MOCS1: variants seen among roughly 807,000 people sequenced by gnomAD.
MOCS1 encodes the protein molybdenum cofactor synthesis 1, also known as molybdenum cofactor biosynthesis protein 1.
A neutral mutation model predicts 57.6 loss-of-function variants in MOCS1; 39 were observed. The ratio of observed to expected loss-of-function variants is 0.68; its 90% CI spans 0.52 to 0.88. The LOEUF is 0.88. MOCS1 is among the 40% of genes least tolerant of loss of function. MOCS1 has a pLI of 0.00. For missense variants in MOCS1, 795 were observed against 831.1 expected, an observed-to-expected ratio of 0.96 and a Z score of 0.53; for synonymous variants, 334 against 335.7, an observed-to-expected ratio of 1.00 and a Z score of 0.05.
intron 1 of MOCS1, among the ~76,000 whole-genome samples, chr6:39,928,136 G>T (rs1768443062): frequency 6.6e-6 from 1 of 151,672 alleles, no homozygotes. Context: ...GCAGAAGCAG[G>T]ATTCAAATCC....
At chr6:39,912,404 C>T in intron 7 of MOCS1, 30 bp from the exon 8 acceptor site, 1 of 1,491,132 alleles carries the variant, frequency 6.7e-7, no homozygotes, top group Admixed American at 1.7e-5. Flanking sequence ...AGCAAAAGGG[C>T]AGTGGAGGGG....
chr6:39,915,398 TCCTCAGTCATGTACCC>T (rs1767598906), intron 4 of MOCS1, among the ~76,000 whole-genome samples: 1 of 151,888 alleles, frequency 6.6e-6, no homozygotes, highest in South Asian at 2.1e-4. Flanking sequence ...TCCTCCAGAG[TCCTCAGTCATGTACCC>T]CCTCCCAAAT....
intron 5 of MOCS1, 86 bp downstream of exon 5, chr6:39,913,688 C>A: frequency 6.9e-7 from 1 of 1,439,032 alleles, no homozygotes; most frequent in Non-Finnish European, 9.8e-7. Context: ...GAGCTGAGGG[C>A]TCTCAAGTGG....
chr6:39,926,577 T>C (rs920695951), intron 2 of MOCS1, among the ~76,000 whole-genome samples: 3 of 150,472 alleles, frequency 2.0e-5, no homozygotes, highest in African/African-American at 7.4e-5. Context: ...CCTTTGAGAC[T>C]GAAGAGAATA....
intron 8 of MOCS1, among the ~76,000 whole-genome samples, chr6:39,910,215 T>A (rs11754450): frequency 0.087 from 13,216 of 152,288 alleles, 903 homozygotes; most frequent in South Asian, 0.32. Flanking sequence ...TTTAAAAAAC[T>A]AAGTAGATGC....
chr6:39,917,019 T>C (rs1767697381), intron 3 of MOCS1, among the ~76,000 whole-genome samples: 1 of 152,124 alleles, frequency 6.6e-6, no homozygotes, highest in South Asian at 2.1e-4. Context: ...GCCTCATCCT[T>C]CCCTGTCGGC....
At chr6:39,920,227 T>C (rs1462000534) in intron 3 of MOCS1, among the ~76,000 whole-genome samples, 1 of 152,166 alleles carries the variant, frequency 6.6e-6, no homozygotes, top group Non-Finnish European at 1.5e-5. Context: ...AAGACCACAA[T>C]GAAATATAAT....
chr6:39,913,582 G>T, intron 5 of MOCS1, 154 bp from the exon 6 acceptor site: 1 of 952,584 alleles, frequency 1.0e-6, no homozygotes, highest in Non-Finnish European at 1.7e-6. Flanking sequence ...ATTCCTTGGG[G>T]TCACTGATTT....
intron 1 of MOCS1, among the ~76,000 whole-genome samples, chr6:39,931,262 G>A (rs545737525): frequency 1.3e-5 from 2 of 152,272 alleles, no homozygotes; most frequent in South Asian, 2.1e-4. Context: ...TGCCCTCAAG[G>A]TGCCCTCCTC....
At chr6:39,918,527 C>T (rs957940506) in intron 3 of MOCS1, among the ~76,000 whole-genome samples, 13 of 152,252 alleles carry the variant, frequency 8.5e-5, no homozygotes, top group South Asian at 4.1e-4. Context: ...ATGTTCATCA[C>T]GGAGTAATGC....
chr6:39,914,011 G>C (rs1412089883), intron 4 of MOCS1, among the ~76,000 whole-genome samples, 176 bp from the exon 5 acceptor site: 2 of 152,246 alleles, frequency 1.3e-5, no homozygotes, highest in Admixed American at 1.3e-4. Flanking sequence ...ATCCGTGTAA[G>C]TACATGTCAC....
At chr6:39,925,569 G>A (rs1768229965) in intron 3 of MOCS1, 109 bp downstream of exon 3, 1 of 1,265,260 alleles carries the variant, frequency 7.9e-7, no homozygotes, top group Non-Finnish European at 1.1e-6. Flanking sequence ...AGGACCAAGA[G>A]AGTGTCATGT....
chr6:39,930,147 T>G (rs1768571251), intron 1 of MOCS1, among the ~76,000 whole-genome samples: 1 of 152,084 alleles, frequency 6.6e-6, no homozygotes, highest in Admixed American at 6.6e-5. Context: ...CGAGCCCCAT[T>G]CCTGCATCTT....
rs1171057358 is a variant in MOCS1, at chr6:39,905,225, C to T, written c.*1132G>A. The T allele has an allele frequency of 4.4e-6, 2 of 454,100 alleles. No homozygotes were observed. Among genetic ancestry groups the T allele is most frequent in the Admixed American group, 4.7e-5 (2 of 42,548 alleles). The allele number at this position is 454,100 out of a possible 1,614,324, so 28.1% of individuals were successfully genotyped here. On this transcript the variant is annotated 3_prime_UTR_variant, in exon 11 of 11. Coordinates refer to ENST00000340692, the MANE Select transcript of MOCS1 (RefSeq NM_001358530.2). ...GAACCAGGAGCCTCTAATTAATTGC[C>T]CTCTCTGATCTCTCTAATAGCTGGT...
chr6:39,921,958 T>C lies in MOCS1; in HGVS notation c.418+3720A>G, dbSNP rs554023611. On this transcript the variant is annotated intron_variant, in intron 3 of 10. Coordinates refer to ENST00000340692, the MANE Select transcript of MOCS1 (RefSeq NM_001358530.2). ...CCCTCCACCCTCAAGTAGGTCCCAG[T>C]GTCTGCTGTTCCCCAGTGAGCAATT... Among the ~76,000 whole-genome samples, 153 of 152,310 alleles carry C rather than the reference T, an allele frequency of 1.0e-3. 1 individual carries two copies. In the Middle Eastern group the frequency reaches 0.014, roughly 14 times the overall value.
At position 39,905,551 on chromosome 6, in the gene MOCS1, T is replaced by C. The variant is rs957278002; in HGVS notation, c.*806A>G. 1 of 471,082 alleles carries C rather than the reference T, an allele frequency of 2.1e-6. No individual in the cohort carries two copies. Among genetic ancestry groups the C allele is most frequent in the Non-Finnish European group, 4.4e-6 (1 of 227,064 alleles). The allele number at this position is 471,082 out of a possible 1,614,324, so 29.2% of individuals were successfully genotyped here. On this transcript the variant is annotated 3_prime_UTR_variant, in exon 11 of 11. Coordinates refer to ENST00000340692, the MANE Select transcript of MOCS1 (RefSeq NM_001358530.2). ...AAAGTTGGCATCGTAGCTTTATTTGTGCGCTGTGAGGGTGAAGGCAATCTA... is the reference window on the plus strand; with the variant it reads ...AAAGTTGGCATCGTAGCTTTATTTGCGCGCTGTGAGGGTGAAGGCAATCTA...
chr6:39,918,032 C>T (rs1767757160), intron 3 of MOCS1, among the ~76,000 whole-genome samples: 1 of 152,210 alleles, frequency 6.6e-6, no homozygotes. Flanking sequence ...CAGTAGTTAT[C>T]TGTGATCAAT....
In MOCS1 at chr6:39,934,368, C is replaced by T. The variant is rs1167904501; in HGVS notation, c.50G>A (p.Ser17Asn). The T allele has an allele frequency of 4.5e-6, 7 of 1,558,084 alleles. No homozygotes were observed. The highest frequency in any genetic ancestry group is 6.1e-6 in the Non-Finnish European group (7 of 1,156,462). The change falls in exon 1 of 11, where the codon AGC becomes AAC. Residue 17 changes from serine to asparagine, a missense_variant. Coordinates refer to ENST00000340692, the MANE Select transcript of MOCS1 (RefSeq NM_001358530.2). ...SRMLRRLLRS[S>N]ARSCSSGAPV... ...AGCCCCTGAGCTGCAGCTCCGGGCG[C>T]TGGACCTCAGAAGCCGCCGCAGCAT...
At chr6:39,913,697 G>A (rs1767479228) in intron 5 of MOCS1, 77 bp downstream of exon 5, 1 of 1,494,820 alleles carries the variant, frequency 6.7e-7, no homozygotes, top group Non-Finnish European at 9.3e-7. Flanking sequence ...GCTCTCAAGT[G>A]GGCCAAGGGG....
Sources: allele counts gnomAD v4.1 joint callset (sites outside exome capture counted in the v4.1 genomes callset), GRCh38; gene constraint gnomAD v4.1.1; transcripts MANE v1.5; gene names NCBI Gene and HGNC (gene_info 2026-07-23, HGNC 2026-07-21).